ZNF518A: variants seen among roughly 807,000 people sequenced by gnomAD.
ZNF518A encodes the protein zinc finger protein 518.
ZNF518A carries 47 observed loss-of-function variants against 102.7 expected under a neutral mutation model. The ratio of observed to expected loss-of-function variants is 0.46; its 90% CI spans 0.36 to 0.58. The LOEUF is 0.58. ZNF518A is among the 20% of genes least tolerant of loss of function. The pLI, the probability that ZNF518A is intolerant of heterozygous loss-of-function variation, is 0.00. For missense variants in ZNF518A, 1,793 were observed against 1,699.8 expected, an observed-to-expected ratio of 1.05 and a Z score of -0.96; for synonymous variants, 652 against 594.6, an observed-to-expected ratio of 1.10 and a Z score of -1.40.
At chr10:96,169,272 T>G (rs1432721035) in intron 1 of ZNF518A, among the ~76,000 whole-genome samples, 2 of 152,212 alleles carry the variant, frequency 1.3e-5, no homozygotes, top group African/African-American at 4.8e-5. Flanking sequence ...CCCAAAACAC[T>G]GTGATTACAG....
At chr10:96,138,650 C>T (rs1554875362) in intron 3 of ZNF518A, among the ~76,000 whole-genome samples, 3 of 152,118 alleles carry the variant, frequency 2.0e-5, no homozygotes, top group Admixed American at 1.3e-4. Flanking sequence ...TTGTTTATTA[C>T]CTAAATAATC....
intron 3 of ZNF518A, among the ~76,000 whole-genome samples, chr10:96,149,062 A>G (rs932190756): frequency 6.6e-6 from 1 of 152,152 alleles, no homozygotes; most frequent in Non-Finnish European, 1.5e-5. Context: ...GATAATTTTA[A>G]AGCATAATAA....
chr10:96,202,727 C>A (rs2133957475), intron 1 of ZNF518A, among the ~76,000 whole-genome samples: 2 of 152,308 alleles, frequency 1.3e-5, no homozygotes, highest in Middle Eastern at 6.8e-3. Context: ...AGTGAGTGAA[C>A]AGACTTTCCC....
At chr10:96,186,284 C>G (rs587705286) in intron 1 of ZNF518A, among the ~76,000 whole-genome samples, 1 of 152,340 alleles carries the variant, frequency 6.6e-6, no homozygotes, top group East Asian at 1.9e-4. Flanking sequence ...GCAGAAATCA[C>G]CTGTCTTCTG....
downstream of ZNF518A, chr10:96,204,729 C>G: frequency 2.2e-6 from 2 of 916,354 alleles, no homozygotes; most frequent in Non-Finnish European, 3.5e-6. Flanking sequence ...TTCCCGGGAA[C>G]ATGTCTTAGT....
chr10:96,142,751 A>AT (rs1240843448), intron 3 of ZNF518A, among the ~76,000 whole-genome samples: 5 of 150,686 alleles, frequency 3.3e-5, no homozygotes, highest in African/African-American at 9.8e-5. Context: ...TATCTTTGGC[A>AT]TTTTACTTTG....
At chr10:96,152,890 A>C (rs1053518268) in intron 3 of ZNF518A, among the ~76,000 whole-genome samples, 4 of 152,198 alleles carry the variant, frequency 2.6e-5, no homozygotes, top group African/African-American at 9.7e-5. Context: ...GCATGTGACT[A>C]TATATAGATT....
intron 1 of ZNF518A, among the ~76,000 whole-genome samples, chr10:96,172,481 A>G (rs1178571914): frequency 6.6e-6 from 1 of 152,112 alleles, no homozygotes; most frequent in Non-Finnish European, 1.5e-5. Flanking sequence ...TAAAAGACAC[A>G]AAATTATTAA....
downstream of ZNF518A, among the ~76,000 whole-genome samples, chr10:96,164,167 T>G (rs1287450366): frequency 1.3e-5 from 2 of 152,236 alleles, no homozygotes; most frequent in African/African-American, 2.4e-5. Context: ...ATAGAAGTTC[T>G]TGGGGTGGGA....
chr10:96,184,308 G>A (rs2083258186), intron 1 of ZNF518A, among the ~76,000 whole-genome samples: 2 of 152,238 alleles, frequency 1.3e-5, no homozygotes, highest in Admixed American at 1.3e-4. Context: ...TACATTTAAG[G>A]TTAATATTGT....
At position 96,180,857 on chromosome 10, in the gene ZNF518A, C is replaced by G. The variant is rs1222448408; in HGVS notation, n.36-22717C>G. On this transcript the variant is annotated intron_variant and non_coding_transcript_variant, in intron 1 of 2. Transcript: ENST00000442635. The stretch of plus-strand genomic sequence containing the variant: ...TGATTTATAATTCTTTGGGTATATA[C>G]CCAGTAATGTGATGGCTGGGACAAA... Among the ~76,000 whole-genome samples, 43 of 152,264 alleles carry G rather than the reference C, an allele frequency of 2.8e-4. No individual in the cohort carries two copies. The South Asian group carries it at 3.5e-3, about 12-fold the overall frequency.
chr10:96,130,087 C>T (rs1387096707), upstream of ZNF518A: 1 of 152,736 alleles, frequency 6.5e-6, no homozygotes, highest in Non-Finnish European at 1.5e-5. Context: ...TGGCCGCCAT[C>T]AGGGACTCGC....
At chr10:96,168,809 C>G (rs1473594046) in intron 1 of ZNF518A, among the ~76,000 whole-genome samples, 3 of 152,092 alleles carry the variant, frequency 2.0e-5, no homozygotes, top group Non-Finnish European at 4.4e-5. Flanking sequence ...CCTTGTCTTT[C>G]AACAGTTTGA....
intron 1 of ZNF518A, among the ~76,000 whole-genome samples, chr10:96,196,640 T>C (rs2083473164): frequency 6.6e-6 from 1 of 152,210 alleles, no homozygotes; most frequent in African/African-American, 2.4e-5. Context: ...TATTTGCCCC[T>C]GGACTAAAAT....
intron 3 of ZNF518A, among the ~76,000 whole-genome samples, chr10:96,152,352 A>C (rs782755385): frequency 6.6e-6 from 1 of 152,216 alleles, no homozygotes. Flanking sequence ...TGGTGGGTAG[A>C]GATTGGACTG....
In ZNF518A at chr10:96,157,304, T is replaced by C. The variant is rs1554883291; in HGVS notation, c.982T>C (p.Trp328Arg). The change falls in exon 6 of 6, where the codon TGG (tryptophan) becomes CGG (arginine). Residue 328 changes from tryptophan (W) to arginine (R), a missense_variant. Around this residue, in one of 3 missense-constraint regions of ZNF518A, gnomAD observed 1,741 missense variants for 1,622.6 expected, o/e 1.07. Coordinates refer to ENST00000316045, the MANE Select transcript of ZNF518A (RefSeq NM_001330736.2). ...YKIGASRKTF[W>R]KRKKINSGSD... Reference sequence around the variant, plus strand: ...AATAGGTGCATCAAGGAAGACGTTCTGGAAACGTAAGAAAATTAACAGTGG... The same window carrying C: ...AATAGGTGCATCAAGGAAGACGTTCCGGAAACGTAAGAAAATTAACAGTGG... The C allele has an allele frequency of 6.2e-7, 1 of 1,612,050 alleles. No homozygotes were observed.
chr10:96,152,532 G>A (rs868907803), intron 3 of ZNF518A, among the ~76,000 whole-genome samples: 49 of 152,214 alleles, frequency 3.2e-4, no homozygotes, highest in African/African-American at 1.2e-3. Context: ...GAGTTCTCCA[G>A]AGATGCAGAA....
In ZNF518A at chr10:96,160,159, A is replaced by G. The variant is rs1554886946; in HGVS notation, c.3837A>G (p.Arg1279=). 4 of 1,609,830 alleles carry G rather than the reference A, an allele frequency of 2.5e-6. No individual in the cohort carries two copies. Among genetic ancestry groups the G allele is most frequent in the South Asian group, 2.2e-5 (2 of 90,332 alleles). Residue 1279 remains arginine (R), a synonymous_variant, in exon 6 of 6, where the codon CGA becomes CGG. Transcript: ENST00000316045. ...AFVSRNRNCK[R]KCRDSYQEPP... ...TATCTAGAAACAGAAACTGTAAACG[A>G]AAGTGTAGGGATAGTTACCAAGAAC...
At chr10:96,132,821 TC>T (rs1415507043) in intron 2 of ZNF518A, 151 bp downstream of exon 2, 1 of 152,048 alleles carries the variant, frequency 6.6e-6, no homozygotes, top group Non-Finnish European at 1.5e-5. Flanking sequence ...GACATGATGG[TC>T]AAAGGAAATG....
Sources: gnomAD v4.1 joint callset for allele counts (sites outside exome capture counted in the v4.1 genomes callset) on GRCh38, gnomAD v4.1.1 for gene constraint, gnomAD v4.1.1 regional missense constraint, MANE v1.5 for transcripts, NCBI Gene and HGNC (gene_info 2026-07-23, HGNC 2026-07-21) for gene names.